The following TRAPPC8 variants were observed in gnomAD, a reference collection of about 807,000 sequenced individuals.
TRAPPC8 encodes the protein trafficking protein particle complex subunit 8, also known as general sporulation gene 1 homolog.
TRAPPC8 carries 54 observed loss-of-function variants against 174.3 expected under a neutral mutation model. The observed-to-expected ratio is 0.31, with a 90% CI of 0.25 to 0.39. The LOEUF (loss-of-function observed/expected upper bound fraction) is 0.39, where lower values mean the gene tolerates loss of function less well. Among genes scored for constraint, TRAPPC8 ranks in the 10% least tolerant of loss-of-function variants. TRAPPC8 has a pLI of 1.00. For missense variants in TRAPPC8, 1,531 were observed against 1,699.1 expected, an observed-to-expected ratio of 0.90 and a Z score of 1.74; for synonymous variants, 630 against 579.9, an observed-to-expected ratio of 1.09 and a Z score of -1.24.
chr18:31,900,478 T>A (rs2036372414), intron 10 of TRAPPC8, among the ~76,000 whole-genome samples: 1 of 152,198 alleles, frequency 6.6e-6, no homozygotes, highest in East Asian at 1.9e-4. Flanking sequence ...GGTCTATCCA[T>A]CAAATATCCC....
Position 31,829,478 on chromosome 18 carries a change from A to G in TRAPPC8, c.*1277T>C, listed in dbSNP as rs995413126. 1 of 152,260 alleles carries G rather than the reference A, an allele frequency of 6.6e-6. No homozygotes were observed. Among genetic ancestry groups the G allele is most frequent in the African/African-American group, 2.4e-5 (1 of 41,444 alleles). The allele number at this position is 152,260 out of a possible 1,614,324, so 9.4% of individuals were successfully genotyped here. ...ACCTGCTAAGACACAGAGTGGAAGG[A>G]GCTGAAAAGCCAGAGACCCACTTAA... On this transcript the variant is annotated 3_prime_UTR_variant, in exon 29 of 29. Coordinates refer to ENST00000283351, the MANE Select transcript of TRAPPC8 (RefSeq NM_014939.5).
intron 6 of TRAPPC8, 70 bp from the exon 7 acceptor site, chr18:31,909,080 G>T: frequency 7.5e-7 from 1 of 1,329,550 alleles, no homozygotes; most frequent in Non-Finnish European, 9.9e-7. Flanking sequence ...CTACCATACT[G>T]CTAAAGAAAA....
intron 9 of TRAPPC8, among the ~76,000 whole-genome samples, chr18:31,904,388 A>G (rs2036573331): frequency 6.6e-6 from 1 of 152,192 alleles, no homozygotes; most frequent in South Asian, 2.1e-4. Flanking sequence ...TGTCTCTACT[A>G]AAAATACAAA....
intron 27 of TRAPPC8, among the ~76,000 whole-genome samples, chr18:31,838,894 T>C (rs576995868): frequency 1.3e-5 from 2 of 152,170 alleles, no homozygotes; most frequent in South Asian, 4.2e-4. Flanking sequence ...CCATCCTCTT[T>C]CTGTTCTATT....
At chr18:31,935,667 C>G (rs1370361262) in intron 1 of TRAPPC8, among the ~76,000 whole-genome samples, 1 of 150,608 alleles carries the variant, frequency 6.6e-6, no homozygotes, top group East Asian at 2.0e-4. Flanking sequence ...TTTTAGGAGG[C>G]TAAAGCAGGA....
Position 31,849,666 on chromosome 18 carries a change from G to A in TRAPPC8, c.3635C>T (p.Ala1212Val). 2 of 1,612,766 alleles carry A rather than the reference G, an allele frequency of 1.2e-6. No individual in the cohort carries two copies. The highest frequency in any genetic ancestry group is 1.7e-6 in the Non-Finnish European group (2 of 1,179,388). Residue 1212 changes from alanine to valine, a missense_variant, in exon 25 of 29, where the codon GCT becomes GTT. Coordinates refer to ENST00000283351, the MANE Select transcript of TRAPPC8 (RefSeq NM_014939.5). ...SLSSELKKPQ[A>V]HLPVHTEKQS... is the part of the protein sequence containing the mutation. ...TTTTTCTGTATGCACAGGCAAGTGA[G>A]CTTGTGGTTTTTTCAATTCAGAAGA...
At chr18:31,832,304 A>G (rs2032420912) in intron 27 of TRAPPC8, 131 bp from the exon 28 acceptor site, 2 of 363,828 alleles carry the variant, frequency 5.5e-6, no homozygotes, top group Non-Finnish European at 9.4e-6. Flanking sequence ...AGAAGGAAAA[A>G]GCTCAAGTTC....
At chr18:31,861,545 T>G (rs1329772204) in intron 19 of TRAPPC8, among the ~76,000 whole-genome samples, 1 of 152,216 alleles carries the variant, frequency 6.6e-6, no homozygotes, top group Non-Finnish European at 1.5e-5. Context: ...AAACCTCTAT[T>G]CATAGGAATA....
intron 9 of TRAPPC8, among the ~76,000 whole-genome samples, chr18:31,906,019 T>G (rs2036640984): frequency 6.6e-6 from 1 of 152,132 alleles, no homozygotes; most frequent in East Asian, 1.9e-4. Flanking sequence ...GAAAATTCAC[T>G]TATATTTTCA....
At chr18:31,875,902 A>G (rs2035118092) in intron 12 of TRAPPC8, among the ~76,000 whole-genome samples, 1 of 152,176 alleles carries the variant, frequency 6.6e-6, no homozygotes, top group Non-Finnish European at 1.5e-5. Flanking sequence ...GGTGGTTACC[A>G]AAGGCCAGGG....
At chr18:31,924,856 G>A (rs2037547544) in intron 2 of TRAPPC8, among the ~76,000 whole-genome samples, 1 of 151,642 alleles carries the variant, frequency 6.6e-6, no homozygotes, top group Non-Finnish European at 1.5e-5. Flanking sequence ...TGTTGGCAGG[G>A]ATCTGAGAAT....
chr18:31,857,998 A>G lies in TRAPPC8; in HGVS notation c.2746-16T>C. The G allele has an allele frequency of 6.4e-7, 1 of 1,556,430 alleles. No homozygotes were observed. ...TAAAGAACACCTGCATTGGAGGGAA[A>G]AAATATTATTATTTGTCTGTTAAAA... On this transcript the variant is annotated splice_polypyrimidine_tract_variant and intron_variant, in intron 19 of 28. Coordinates refer to ENST00000283351, the MANE Select transcript of TRAPPC8 (RefSeq NM_014939.5).
intron 12 of TRAPPC8, among the ~76,000 whole-genome samples, chr18:31,877,494 C>A (rs1445843218): frequency 1.3e-5 from 2 of 151,716 alleles, no homozygotes; most frequent in Non-Finnish European, 2.9e-5. Flanking sequence ...CGCCTGTAGT[C>A]CCACCTACTC....
At chr18:31,929,322 G>C (rs1229904336) in intron 2 of TRAPPC8, among the ~76,000 whole-genome samples, 2 of 152,064 alleles carry the variant, frequency 1.3e-5, no homozygotes, top group South Asian at 4.1e-4. Context: ...GAGAGGCCAG[G>C]GTGAGAGGAT....
chr18:31,852,654 A>G lies in TRAPPC8; in HGVS notation c.3443T>C (p.Leu1148Pro), dbSNP rs563233916. ...AAACTTTCCCTTCTCCCTACTGGCA[A>G]GTTTGGTATCTAGGAAGAAAAAGGG... ...VNLSENKDTK[L>P]ASREKGKFCF... The change falls in exon 23 of 29, where the codon CTT (leucine) becomes CCT (proline). Residue 1148 changes from leucine (L) to proline (P), a missense_variant. Leu to Pro is a moderately conservative substitution (Grantham distance 98, BLOSUM62 -3). Transcript: ENST00000283351. The G allele has an allele frequency of 1.2e-6, 2 of 1,613,750 alleles. No individual in the cohort carries two copies. The highest frequency in any genetic ancestry group is 2.7e-5 in the African/African-American group (2 of 75,042).
chr18:31,913,573 G>A (rs2037007808), intron 4 of TRAPPC8, 51 bp from the exon 5 acceptor site: 3 of 1,412,786 alleles, frequency 2.1e-6, no homozygotes, highest in African/African-American at 1.5e-5. Flanking sequence ...GCAGGCCTTA[G>A]GCAATAATAG....
At chr18:31,939,993 G>C (rs1184206554) in intron 1 of TRAPPC8, among the ~76,000 whole-genome samples, 1 of 152,190 alleles carries the variant, frequency 6.6e-6, no homozygotes, top group Non-Finnish European at 1.5e-5. Context: ...GTAGGCAACA[G>C]CTGCATATGG....
At chr18:31,887,886 A>C (rs2035792594) in intron 12 of TRAPPC8, among the ~76,000 whole-genome samples, 1 of 152,154 alleles carries the variant, frequency 6.6e-6, no homozygotes. Flanking sequence ...AGGGTATTCA[A>C]ATACGAAGAG....
chr18:31,907,286 C>T (rs978480241), intron 9 of TRAPPC8, among the ~76,000 whole-genome samples, 174 bp downstream of exon 9: 2 of 152,142 alleles, frequency 1.3e-5, no homozygotes, highest in African/African-American at 4.8e-5. Context: ...CCCAGCTAAT[C>T]AACTAGTCTG....
Sources: gnomAD v4.1 joint callset for allele counts (sites outside exome capture counted in the v4.1 genomes callset) on GRCh38, gnomAD v4.1.1 for gene constraint, MANE v1.5 for transcripts, NCBI Gene and HGNC (gene_info 2026-07-23, HGNC 2026-07-21) for gene names.